CFAP299: variants seen among roughly 807,000 people sequenced by gnomAD.
The protein encoded by CFAP299 is cilia- and flagella-associated protein 299.
Under a neutral mutation model 27.0 loss-of-function variants are expected in CFAP299, and 21 were observed. That is an observed-to-expected ratio of 0.78 (90% CI 0.55 to 1.12). CFAP299 has a LOEUF of 1.12. CFAP299 is among the 50% of genes most tolerant of loss of function. The pLI is 0.00. For synonymous variants in CFAP299, 104 were observed against 98.1 expected (o/e 1.06, Z -0.36); for missense variants, 310 against 276.6 (o/e 1.12, Z -0.86).
intron 3 of CFAP299, among the ~76,000 whole-genome samples, chr4:80,653,131 A>G (rs1740392287): frequency 6.6e-6 from 1 of 152,144 alleles, no homozygotes; most frequent in Non-Finnish European, 1.5e-5. Context: ...GTATTCAGCT[A>G]TATGCACACT....
At chr4:80,886,186 G>A (rs1470764724) in intron 4 of CFAP299, among the ~76,000 whole-genome samples, 2 of 152,220 alleles carry the variant, frequency 1.3e-5, no homozygotes, top group Non-Finnish European at 2.9e-5. Context: ...CTTAACCACA[G>A]TAGAATAGAA....
chr4:80,696,826 T>C (rs1721125991), intron 3 of CFAP299, among the ~76,000 whole-genome samples: 1 of 152,148 alleles, frequency 6.6e-6, no homozygotes, highest in Admixed American at 6.5e-5. Context: ...CTAAGTCCAA[T>C]GTGCTTGGAC....
At chr4:80,468,730 G>C (rs757857314) in intron 2 of CFAP299, among the ~76,000 whole-genome samples, 5 of 150,962 alleles carry the variant, frequency 3.3e-5, no homozygotes, top group African/African-American at 7.3e-5. Context: ...AGCTACTAGA[G>C]AGGCTGAGGC....
intron 3 of CFAP299, among the ~76,000 whole-genome samples, chr4:80,633,982 C>CTTTT (rs1225649545): frequency 3.0e-4 from 34 of 115,156 alleles, no homozygotes; most frequent in African/African-American, 1.0e-3. Flanking sequence ...GAGGAGAAAA[C>CTTTT]TTTTTTTTTT....
intron 2 of CFAP299, among the ~76,000 whole-genome samples, chr4:80,520,338 A>G (rs535968029): frequency 2.5e-3 from 374 of 152,290 alleles, no homozygotes; most frequent in African/African-American, 8.4e-3. Flanking sequence ...CATTAGCAAT[A>G]TCTTAGAGTT....
intron 3 of CFAP299, among the ~76,000 whole-genome samples, chr4:80,800,701 T>C (rs896669434): frequency 2.6e-5 from 3 of 114,876 alleles, no homozygotes; most frequent in East Asian, 4.4e-4. Flanking sequence ...TATATTTATA[T>C]ATGAGTTTTT....
chr4:80,574,858 T>G (rs1459823870), intron 2 of CFAP299, among the ~76,000 whole-genome samples: 4 of 152,162 alleles, frequency 2.6e-5, no homozygotes, highest in Non-Finnish European at 4.4e-5. Flanking sequence ...GAATTCAGTT[T>G]GCTAGTATTT....
intron 3 of CFAP299, among the ~76,000 whole-genome samples, chr4:80,801,644 A>G (rs1018833205): frequency 6.6e-6 from 1 of 152,100 alleles, no homozygotes; most frequent in Non-Finnish European, 1.5e-5. Flanking sequence ...AGGTGAGTCA[A>G]TCGTATTCCA....
chr4:80,398,343 A>G (rs1015278723), intron 2 of CFAP299, among the ~76,000 whole-genome samples: 37 of 152,186 alleles, frequency 2.4e-4, no homozygotes, highest in Non-Finnish European at 4.0e-4. Flanking sequence ...ACTACTTTAA[A>G]GTTCATATGG....
At chr4:80,746,007 A>C (rs1469280499) in intron 3 of CFAP299, among the ~76,000 whole-genome samples, 1 of 152,104 alleles carries the variant, frequency 6.6e-6, no homozygotes, top group African/African-American at 2.4e-5. Flanking sequence ...TCTGGCTATC[A>C]GTCCCTTCTG....
At chr4:80,415,692 T>C (rs1022885400) in intron 2 of CFAP299, among the ~76,000 whole-genome samples, 1 of 152,170 alleles carries the variant, frequency 6.6e-6, no homozygotes, top group African/African-American at 2.4e-5. Flanking sequence ...ACCTCAGAAA[T>C]AGATATTTAT....
intron 4 of CFAP299, among the ~76,000 whole-genome samples, chr4:80,889,190 A>T (rs992351291): frequency 2.7e-5 from 4 of 150,506 alleles, no homozygotes; most frequent in African/African-American, 5.0e-5. Flanking sequence ...GATCAACAAA[A>T]TAAAAGTTTT....
chr4:80,389,486 C>A (rs1466297183), intron 2 of CFAP299, among the ~76,000 whole-genome samples: 1 of 152,124 alleles, frequency 6.6e-6, no homozygotes, highest in Non-Finnish European at 1.5e-5. Context: ...AAGCAAGAGA[C>A]CTGTGCTTAC....
chr4:80,958,672 T>C (rs933019700), intron 5 of CFAP299, among the ~76,000 whole-genome samples: 4 of 152,186 alleles, frequency 2.6e-5, no homozygotes, highest in Non-Finnish European at 5.9e-5. Context: ...CATTACTGCA[T>C]TCAGTCTTAT....
chr4:80,595,745 T>C (rs1023903993), intron 3 of CFAP299, among the ~76,000 whole-genome samples: 2 of 152,224 alleles, frequency 1.3e-5, no homozygotes, highest in African/African-American at 4.8e-5. Flanking sequence ...CATACCACTT[T>C]GACATCTGCA....
At chr4:80,637,846 G>A (rs1739525938) in intron 3 of CFAP299, among the ~76,000 whole-genome samples, 1 of 152,116 alleles carries the variant, frequency 6.6e-6, no homozygotes, top group Admixed American at 6.5e-5. Context: ...ACGTTGCCTT[G>A]CTTCCAACTC....
intron 2 of CFAP299, among the ~76,000 whole-genome samples, chr4:80,533,496 AC>A (rs1464736609): frequency 1.3e-5 from 2 of 152,182 alleles, no homozygotes; most frequent in African/African-American, 4.8e-5. Flanking sequence ...CAGGGTGGGT[AC>A]CTTTTGCAAT....
chr4:80,644,309 G>A (rs983422553), intron 3 of CFAP299, among the ~76,000 whole-genome samples: 5 of 151,972 alleles, frequency 3.3e-5, no homozygotes, highest in Non-Finnish European at 7.4e-5. Flanking sequence ...GGTTATGGAG[G>A]GATTAGCAGG....
chr4:80,838,516 G>A (rs1475385795), intron 3 of CFAP299, among the ~76,000 whole-genome samples: 1 of 152,082 alleles, frequency 6.6e-6, no homozygotes, highest in Non-Finnish European at 1.5e-5. Flanking sequence ...ATGAAATAGG[G>A]ACTCCTTTCC....
Sources: gnomAD v4.1 joint callset for allele counts (sites outside exome capture counted in the v4.1 genomes callset) on GRCh38, gnomAD v4.1.1 for gene constraint, MANE v1.5 for transcripts, NCBI Gene and HGNC (gene_info 2026-07-23, HGNC 2026-07-21) for gene names.